The following MAST2 variants were observed in gnomAD, a reference collection of about 807,000 sequenced individuals.
The protein encoded by MAST2 is microtubule associated serine/threonine kinase 2.
MAST2 carries 70 observed loss-of-function variants against 147.4 expected under a neutral mutation model. The ratio of observed to expected loss-of-function variants is 0.47; its 90% CI spans 0.39 to 0.58. The LOEUF is 0.58. Among genes scored for constraint, MAST2 ranks in the 20% least tolerant of loss-of-function variants. The pLI is 0.00. For synonymous variants in MAST2, 869 were observed against 896.8 expected, an observed-to-expected ratio of 0.97 and a Z score of 0.55; for missense variants, 2,080 against 2,302.3, an observed-to-expected ratio of 0.90 and a Z score of 1.98.
intron 19 of MAST2, 44 bp downstream of exon 19, chr1:46,029,611 G>C (rs1248083762): frequency 3.8e-6 from 6 of 1,573,976 alleles, no homozygotes; most frequent in Non-Finnish European, 5.2e-6. Context: ...TGGAAAAGGG[G>C]TAAGGGAGGC....
chr1:45,815,238 C>T (rs556005775), intron 1 of MAST2, among the ~76,000 whole-genome samples: 5 of 149,130 alleles, frequency 3.4e-5, no homozygotes, highest in Non-Finnish European at 5.9e-5. Context: ...GGCGTGATCT[C>T]GGTTCACTGC....
At chr1:45,809,854 A>C (rs2148633972) in intron 1 of MAST2, among the ~76,000 whole-genome samples, 1 of 152,350 alleles carries the variant, frequency 6.6e-6, no homozygotes, top group Non-Finnish European at 1.5e-5. Flanking sequence ...ACTGGAAAGC[A>C]CATAATAAGT....
intron 3 of MAST2, among the ~76,000 whole-genome samples, chr1:45,866,199 C>T (rs1557846643): frequency 6.6e-6 from 1 of 152,168 alleles, no homozygotes; most frequent in Non-Finnish European, 1.5e-5. Context: ...TGTAAACATT[C>T]AGAGCCCGTA....
intron 4 of MAST2, among the ~76,000 whole-genome samples, chr1:45,925,936 G>C (rs1452503683): frequency 6.6e-6 from 1 of 152,168 alleles, no homozygotes; most frequent in Non-Finnish European, 1.5e-5. Context: ...CAAATGGACA[G>C]GTGTTCCTTT....
At chr1:45,812,527 A>G (rs1035526820) in intron 1 of MAST2, among the ~76,000 whole-genome samples, 1 of 151,422 alleles carries the variant, frequency 6.6e-6, no homozygotes, top group Non-Finnish European at 1.5e-5. Flanking sequence ...TCCCAGGTTC[A>G]AGTGATTCTC....
At chr1:46,015,795 A>G (rs943842797) in intron 10 of MAST2, among the ~76,000 whole-genome samples, 33 of 152,230 alleles carry the variant, frequency 2.2e-4, no homozygotes, top group East Asian at 9.6e-4. Flanking sequence ...AATCAATAGA[A>G]AAAGAGGGAA....
chr1:46,004,686 C>T (rs1645413477), intron 7 of MAST2, among the ~76,000 whole-genome samples: 1 of 152,124 alleles, frequency 6.6e-6, no homozygotes, highest in Admixed American at 6.5e-5. Context: ...AGAAAATGTG[C>T]ACTGTTAGCA....
chr1:45,990,790 ATG>A (rs1644827856), intron 5 of MAST2, among the ~76,000 whole-genome samples: 1 of 152,078 alleles, frequency 6.6e-6, no homozygotes, highest in Admixed American at 6.6e-5. Context: ...CCAGCCAAGT[ATG>A]TGTTTTTTAC....
chr1:46,034,139 C>T lies in MAST2; in HGVS notation c.3741C>T (p.Ser1247=). The T allele has an allele frequency of 1.2e-6, 2 of 1,614,202 alleles. No homozygotes were observed. Among genetic ancestry groups the T allele is most frequent in the Non-Finnish European group, 1.7e-6 (2 of 1,180,032 alleles). ...CATCCCTGCTCCACACCAGCCGCAG[C>T]CTTTCTTCCCTTAACCGCTCCTTGT... The part of the protein sequence containing the change: ...KQASLLHTSR[S]LSSLNRSLSS... Residue 1247 remains serine, a synonymous_variant, in exon 28 of 29, where the codon AGC becomes AGT. Coordinates refer to ENST00000361297, the MANE Select transcript of MAST2 (RefSeq NM_015112.3).
intron 3 of MAST2, among the ~76,000 whole-genome samples, chr1:45,862,308 T>C (rs1646006755): frequency 6.6e-6 from 1 of 152,104 alleles, no homozygotes; most frequent in African/African-American, 2.4e-5. Flanking sequence ...CCACAAAGGA[T>C]TTGAGGTGGG....
At chr1:45,881,733 GTT>G (rs1646853604) in intron 3 of MAST2, among the ~76,000 whole-genome samples, 2 of 151,536 alleles carry the variant, frequency 1.3e-5, no homozygotes, top group Admixed American at 1.3e-4. Context: ...TTCAGCAGCA[GTT>G]AATGGCTGGC....
intron 3 of MAST2, among the ~76,000 whole-genome samples, chr1:45,841,749 C>T (rs1214828220): frequency 1.3e-5 from 2 of 152,124 alleles, no homozygotes; most frequent in African/African-American, 2.4e-5. Flanking sequence ...GTGCTTCATT[C>T]AGCAAAAAGG....
At chr1:45,896,956 A>G (rs1451475178) in intron 4 of MAST2, among the ~76,000 whole-genome samples, 2 of 152,198 alleles carry the variant, frequency 1.3e-5, no homozygotes, top group East Asian at 3.8e-4. Context: ...ACACAGCTTC[A>G]TACTTTCATG....
Position 46,036,121 on chromosome 1 carries a change from C to T in MAST2, c.*55C>T. ...CTGTGTAATATATGCTCCTGGAAACCATCTTTATGTCTTTTGCTTGCTTGT... is the reference window on the plus strand; with the variant it reads ...CTGTGTAATATATGCTCCTGGAAACTATCTTTATGTCTTTTGCTTGCTTGT... On this transcript the variant is annotated 3_prime_UTR_variant, in exon 29 of 29. Transcript: ENST00000361297. 6.7e-7 allele frequency: 1 copy of T among 1,488,944 alleles called. No homozygotes were observed. The highest frequency in any genetic ancestry group is 1.3e-5 in the South Asian group (1 of 75,380). 92.2% of individuals were successfully genotyped at this position (1,488,944 alleles called of 1,614,324 possible).
intron 2 of MAST2, among the ~76,000 whole-genome samples, chr1:45,826,268 A>T (rs1644789175): frequency 6.6e-6 from 1 of 152,116 alleles, no homozygotes; most frequent in Non-Finnish European, 1.5e-5. Context: ...TTTTCCATTT[A>T]TCTGATTGCA....
chr1:45,933,997 G>A (rs1314707419), intron 4 of MAST2, among the ~76,000 whole-genome samples: 2 of 151,612 alleles, frequency 1.3e-5, no homozygotes, highest in Admixed American at 1.3e-4. Context: ...GGGATTTGGT[G>A]TACAGATTAT....
At chr1:45,920,102 C>A (rs1186286990) in intron 4 of MAST2, among the ~76,000 whole-genome samples, 3 of 152,078 alleles carry the variant, frequency 2.0e-5, no homozygotes, top group Non-Finnish European at 4.4e-5. Context: ...CTATTTGATG[C>A]CCATGTATTG....
chr1:45,976,344 C>T (rs1353108422), intron 5 of MAST2, among the ~76,000 whole-genome samples: 2 of 152,034 alleles, frequency 1.3e-5, no homozygotes, highest in African/African-American at 2.4e-5. Flanking sequence ...CACTTGTAAT[C>T]CCAACACTTT....
intron 5 of MAST2, among the ~76,000 whole-genome samples, chr1:45,960,804 G>A (rs545286403): frequency 1.3e-5 from 2 of 152,312 alleles, no homozygotes; most frequent in South Asian, 4.1e-4. Flanking sequence ...AGAAAGCCAT[G>A]GTCACTGTTG....
Sources: allele counts gnomAD v4.1 joint callset (sites outside exome capture counted in the v4.1 genomes callset), GRCh38; gene constraint gnomAD v4.1.1; transcripts MANE v1.5; gene names NCBI Gene and HGNC (gene_info 2026-07-23, HGNC 2026-07-21).